Variants in SF3A3 observed in about 807,000 individuals in gnomAD.
The protein encoded by SF3A3 is SAP 61.
A neutral mutation model predicts 85.8 loss-of-function variants in SF3A3; 9 were observed. The observed-to-expected ratio is 0.10, with a 90% CI of 0.06 to 0.18. The LOEUF (loss-of-function observed/expected upper bound fraction) is 0.18. SF3A3 is among the 10% of genes least tolerant of loss of function. The pLI is 1.00. For synonymous variants in SF3A3, 195 were observed against 204.4 expected, an observed-to-expected ratio of 0.95 and a Z score of 0.39; for missense variants, 306 against 593.3, an observed-to-expected ratio of 0.52 and a Z score of 5.03.
At chr1:37,969,842 G>A in intron 12 of SF3A3, 107 bp from the exon 13 acceptor site, 1 of 1,230,474 alleles carries the variant, frequency 8.1e-7, no homozygotes, top group Non-Finnish European at 1.1e-6. Flanking sequence ...CCAAGGATAA[G>A]GTTCTTTCTT....
At chr1:37,960,007 A>G (rs1646246231) in intron 16 of SF3A3, 113 bp downstream of exon 16, 2 of 721,770 alleles carry the variant, frequency 2.8e-6, no homozygotes, top group East Asian at 2.6e-5. Context: ...ATATTGTCAC[A>G]TTCTACTCGC....
chr1:37,989,446 G>C (rs939894871), intron 2 of SF3A3, 102 bp downstream of exon 2: 20 of 1,294,944 alleles, frequency 1.5e-5, no homozygotes, highest in Non-Finnish European at 1.9e-5. Flanking sequence ...GGCCAATCCG[G>C]TTACCTTTGG....
intron 12 of SF3A3, 53 bp from the exon 13 acceptor site, chr1:37,969,788 G>T: frequency 6.3e-7 from 1 of 1,584,128 alleles, no homozygotes; most frequent in Non-Finnish European, 8.6e-7. Flanking sequence ...AGAATAAGAA[G>T]GGAAATTTCC....
At chr1:37,974,592 GCGCCCGGCCCAAGATGACCACTTTCTAA>G (rs1646367428) in intron 12 of SF3A3, among the ~76,000 whole-genome samples, 1 of 152,042 alleles carries the variant, frequency 6.6e-6, no homozygotes. Flanking sequence ...ATGAGCCACT[GCGCCCGGCCCAAGATGACCACTTTCTAA>G]CTTGCCTTGA....
In SF3A3 at chr1:37,969,719, G is replaced by A. The variant is rs767329284; in HGVS notation, c.1022C>T (p.Thr341Ile). The A allele has an allele frequency of 1.2e-6, 2 of 1,613,972 alleles. No individual in the cohort carries two copies. The highest frequency in any genetic ancestry group is 1.3e-5 in the African/African-American group (1 of 74,900). The part of the protein sequence containing the change: ...VEILGEQRHL[T>I]HENVQRKQAR... ...TTGCTTGCGCTGTACATTTTCATGA[G>A]TGAGATGTCGCTGTTCCTAAAGCAG... The change falls in exon 13 of 17, where the codon ACT (threonine) becomes ATT (isoleucine). Residue 341 changes from threonine (T) to isoleucine (I), a missense_variant. By Grantham distance (89) the Thr-to-Ile change is moderately conservative. Coordinates refer to ENST00000373019, the MANE Select transcript of SF3A3 (RefSeq NM_006802.4).
rs762690381 is a variant in SF3A3, at chr1:37,976,868, GCAGT to G, written c.1005+12_1005+15del. ...TGCTTTATACCATTTTCCACTTTCA[GCAGT>G]CAGTCACTTACCCCGAGAATCTCTA... On this transcript the variant is annotated intron_variant, in intron 12 of 16. Transcript: ENST00000373019. The G allele has an allele frequency of 2.0e-6, 3 of 1,485,232 alleles. No homozygotes were observed. The highest frequency in any genetic ancestry group is 2.3e-5 in the South Asian group (2 of 88,344). The allele number at this position is 1,485,232 out of a possible 1,614,324, so 92.0% of individuals were successfully genotyped here.
Position 37,987,589 on chromosome 1 carries a change from C to T in SF3A3, c.287G>A (p.Arg96Gln), listed in dbSNP as rs781457456. 5 of 1,613,178 alleles carry T rather than the reference C, an allele frequency of 3.1e-6. No homozygotes were observed. Among genetic ancestry groups the T allele is most frequent in the Non-Finnish European group, 3.4e-6 (4 of 1,179,208 alleles). Reference sequence around the variant, plus strand: ...AGGACATACCTCATTTGGGTGCTTCCGGTGGAATTCCTTTATTTGCTTGAG... The same window carrying T: ...AGGACATACCTCATTTGGGTGCTTCTGGTGGAATTCCTTTATTTGCTTGAG... ...NRLKQIKEFH[R>Q]KHPNEICVPM... The change falls in exon 4 of 17, where the codon CGG becomes CAG. Residue 96 changes from arginine to glutamine, a missense_variant. By Grantham distance (43) the Arg-to-Gln change is conservative. Around this residue, in one of 4 missense-constraint regions of SF3A3, gnomAD observed 152 missense variants for 192.0 expected, o/e 0.79. Coordinates refer to ENST00000373019, the MANE Select transcript of SF3A3 (RefSeq NM_006802.4).
In SF3A3 at chr1:37,984,238, T is replaced by C. The variant is rs11210870; in HGVS notation, c.399A>G (p.Glu133=). The change falls in exon 6 of 17, where the codon GAA becomes GAG. Residue 133 remains glutamate (E), a synonymous_variant. Transcript: ENST00000373019. ...EAQNLVEFTD[E]EGYGRYLDLH... is the part of the protein sequence containing the mutation. Reference sequence around the variant, plus strand: ...GATCGAGATAACGACCATATCCCTCTTCATCTGTGAACTCCACCAAGTCTG... The same window carrying C: ...GATCGAGATAACGACCATATCCCTCCTCATCTGTGAACTCCACCAAGTCTG... The C allele has an allele frequency of 0.28, 447,540 of 1,595,830 alleles. 65,282 individuals are homozygous for C. Among genetic ancestry groups the C allele is most frequent in the Admixed American group, 0.4 (23,547 of 59,504 alleles).
intron 15 of SF3A3, among the ~76,000 whole-genome samples, chr1:37,964,525 T>C (rs1355162965): frequency 6.6e-6 from 1 of 151,874 alleles, no homozygotes; most frequent in African/African-American, 2.4e-5. Flanking sequence ...GAGAAATCGC[T>C]TGGAACCAGG....
chr1:37,981,794 T>A lies in SF3A3; in HGVS notation c.486A>T (p.Thr162=), dbSNP rs368021918. ...LKASEKLDYI[T]YLSIFDQLFD... ...ATAATTGGTCAAAGATGGACAGGTATGTGATATAATCCAGCTTCTGAAAAG... is the reference window on the plus strand; with the variant it reads ...ATAATTGGTCAAAGATGGACAGGTAAGTGATATAATCCAGCTTCTGAAAAG... Residue 162 remains threonine (T), a synonymous_variant, in exon 7 of 17, where the codon ACA becomes ACT. Transcript: ENST00000373019. 6.3e-7 allele frequency: 1 copy of A among 1,586,836 alleles called. No individual in the cohort carries two copies. Among genetic ancestry groups the A allele is most frequent in the Non-Finnish European group, 8.6e-7 (1 of 1,158,680 alleles).
In SF3A3 at chr1:37,987,853, A is replaced by G. The variant is rs747367435; in HGVS notation, c.145-17T>C. 3 of 1,606,364 alleles carry G rather than the reference A, an allele frequency of 1.9e-6. No homozygotes were observed. Among genetic ancestry groups the G allele is most frequent in the Non-Finnish European group, 2.6e-6 (3 of 1,173,220 alleles). On this transcript the variant is annotated splice_polypyrimidine_tract_variant and intron_variant, in intron 2 of 16. Coordinates refer to ENST00000373019, the MANE Select transcript of SF3A3 (RefSeq NM_006802.4). ...CATATACCTCTGAAAGGCAAATACA[A>G]AACCATCAGAATGATGCAATTTGCA... is the stretch of plus-strand genomic sequence containing the variant.
intron 7 of SF3A3, among the ~76,000 whole-genome samples, chr1:37,981,050 C>A (rs572085417): frequency 2.0e-5 from 3 of 151,740 alleles, no homozygotes; most frequent in African/African-American, 7.3e-5. Context: ...TGTTTCTCCA[C>A]GTTGGTCAGG....
chr1:37,979,116 G>A, intron 9 of SF3A3, 61 bp from the exon 10 acceptor site: 1 of 1,359,078 alleles, frequency 7.4e-7, no homozygotes, highest in Non-Finnish European at 1.1e-6. Flanking sequence ...AACCCCAAAT[G>A]CAGGCCAGAG....
chr1:37,967,978 G>A lies in SF3A3; in HGVS notation c.1372+66C>T. 8.8e-6 allele frequency: 8 copies of A among 913,368 alleles called. No homozygotes were observed. In the South Asian group the frequency reaches 9.1e-5, roughly 10 times the overall value. The allele number at this position is 913,368 out of a possible 1,614,324, so 56.6% of individuals were successfully genotyped here. A position where few individuals can be genotyped will look rare whatever the true frequency, so the allele number is the denominator to read the frequency against. On this transcript the variant is annotated intron_variant, in intron 15 of 16. Transcript: ENST00000373019. ...TAACCCTGGATACACAGGGTATTAG[G>A]ATGCTGAATTGAAGGAGTAGAGCCA...
chr1:37,971,683 G>T (rs1211072475), intron 12 of SF3A3, among the ~76,000 whole-genome samples: 2 of 152,204 alleles, frequency 1.3e-5, no homozygotes, highest in African/African-American at 4.8e-5. Flanking sequence ...TCATCCCTGT[G>T]ATGCAAGGCT....
chr1:37,985,854 T>C (rs72663605), intron 4 of SF3A3, among the ~76,000 whole-genome samples: 12,936 of 152,228 alleles, frequency 0.085, 684 homozygotes, highest in Middle Eastern at 0.17. Context: ...TTGCTGTTTT[T>C]AGTCTCTTCC....
rs1262485229 is a variant in SF3A3 at position 37,989,528 on chromosome 1, G to A, written c.144+20C>T. On this transcript the variant is annotated intron_variant, in intron 2 of 16. Transcript: ENST00000373019. Reference sequence around the variant, plus strand: ...CCCGCCCTCGCCAACCCAAAGAGAGGCAGACAGCTGGGCACTCACATCTTG... The same window carrying A: ...CCCGCCCTCGCCAACCCAAAGAGAGACAGACAGCTGGGCACTCACATCTTG... The A allele has an allele frequency of 3.7e-6, 6 of 1,611,740 alleles. No homozygotes were observed. The East Asian group carries it at 8.9e-5, about 24-fold the overall frequency.
At chr1:37,983,217 C>T (rs576436431) in intron 6 of SF3A3, among the ~76,000 whole-genome samples, 11 of 133,940 alleles carry the variant, frequency 8.2e-5, no homozygotes, top group Non-Finnish European at 1.2e-4. Context: ...GGATTACAGG[C>T]GTGAGCAACT....
At chr1:37,962,435 C>A (rs1456326822) in intron 15 of SF3A3, among the ~76,000 whole-genome samples, 1 of 150,632 alleles carries the variant, frequency 6.6e-6, no homozygotes, top group Non-Finnish European at 1.5e-5. Context: ...GAAACCCCAT[C>A]TCTAATAAAA....
Sources: gnomAD v4.1 joint callset for allele counts (sites outside exome capture counted in the v4.1 genomes callset) on GRCh38, gnomAD v4.1.1 for gene constraint, gnomAD v4.1.1 regional missense constraint, MANE v1.5 for transcripts, NCBI Gene and HGNC (gene_info 2026-07-23, HGNC 2026-07-21) for gene names.